Variants in CCSER2 observed in about 807,000 individuals in gnomAD.
CCSER2 encodes serine-rich coiled-coil domain-containing protein 2.
Under a neutral mutation model 92.3 loss-of-function variants are expected in CCSER2, and 46 were observed. The ratio of observed to expected loss-of-function variants is 0.50; its 90% CI spans 0.39 to 0.64. The LOEUF (loss-of-function observed/expected upper bound fraction) is 0.64, where lower values mean the gene tolerates loss of function less well. CCSER2 is among the 30% of genes least tolerant of loss of function. CCSER2 has a pLI of 0.00. For synonymous variants in CCSER2, 433 were observed against 431.4 expected (o/e 1.00, Z -0.04); for missense variants, 1,244 against 1,238.9 (o/e 1.00, Z -0.06).
intron 7 of CCSER2, among the ~76,000 whole-genome samples, chr10:84,468,359 A>C (rs1846577080): frequency 6.6e-6 from 1 of 152,230 alleles, no homozygotes; most frequent in African/African-American, 2.4e-5. Flanking sequence ...AAGAGATGAT[A>C]AATGTTTGAG....
intron 7 of CCSER2, among the ~76,000 whole-genome samples, chr10:84,465,711 GT>G (rs200636752): frequency 0.023 from 3,521 of 151,884 alleles, 151 homozygotes; most frequent in African/African-American, 0.082. Context: ...TTCCTTTCTA[GT>G]TCATCTAAAT....
At chr10:84,462,466 G>A (rs908674870) in intron 6 of CCSER2, among the ~76,000 whole-genome samples, 1 of 152,136 alleles carries the variant, frequency 6.6e-6, no homozygotes, top group Non-Finnish European at 1.5e-5. Context: ...ATACTTGTAG[G>A]TAGGACTGGC....
chr10:84,353,052 A>G (rs1397485524), intron 1 of CCSER2, among the ~76,000 whole-genome samples: 1 of 152,204 alleles, frequency 6.6e-6, no homozygotes, highest in African/African-American at 2.4e-5. Context: ...TTGGCCTCCC[A>G]AAGTGCTGGG....
intron 9 of CCSER2, among the ~76,000 whole-genome samples, chr10:84,489,691 C>G (rs1446215421): frequency 6.6e-6 from 1 of 152,142 alleles, no homozygotes; most frequent in Non-Finnish European, 1.5e-5. Context: ...GACTCTTTAT[C>G]CAATTTGCCA....
chr10:84,349,464 C>T (rs530554329), intron 1 of CCSER2, among the ~76,000 whole-genome samples: 10 of 151,822 alleles, frequency 6.6e-5, no homozygotes, highest in African/African-American at 1.7e-4. Context: ...CTCCGGAGTT[C>T]GAGACCAGCC....
chr10:84,422,148 A>T (rs986274152), intron 4 of CCSER2, among the ~76,000 whole-genome samples: 4 of 152,306 alleles, frequency 2.6e-5, no homozygotes, highest in Admixed American at 6.5e-5. Context: ...TTGCAGAAGG[A>T]AGAAGGGCAG....
chr10:84,459,205 G>T (rs1201214158), intron 6 of CCSER2, among the ~76,000 whole-genome samples: 1 of 151,942 alleles, frequency 6.6e-6, no homozygotes, highest in African/African-American at 2.4e-5. Flanking sequence ...ATGGAGTTTT[G>T]CCATGATGGC....
chr10:84,396,185 C>CTGTG (rs11467455), intron 3 of CCSER2, among the ~76,000 whole-genome samples: 7,524 of 145,702 alleles, frequency 0.052, 254 homozygotes, highest in East Asian at 0.13. Context: ...TTATTCAACA[C>CTGTG]TGTGTGTGTG....
At position 84,370,952 on chromosome 10, in the gene CCSER2, A is replaced by G. The variant is rs1846029564; in HGVS notation, c.-39-62A>G. 5 of 737,758 alleles carry G rather than the reference A, an allele frequency of 6.8e-6. No individual in the cohort carries two copies. The South Asian group carries it at 1.3e-4, about 19-fold the overall frequency. The allele number at this position is 737,758 out of a possible 1,614,324, so 45.7% of individuals were successfully genotyped here. Reference sequence around the variant, plus strand: ...TAAAAGTGTAAGTATCATATTATGTAATAATTCATGTAATTATCCTTATTT... The same window carrying G: ...TAAAAGTGTAAGTATCATATTATGTGATAATTCATGTAATTATCCTTATTT... On this transcript the variant is annotated intron_variant, in intron 1 of 9. Transcript: ENST00000372088.
intron 9 of CCSER2, among the ~76,000 whole-genome samples, chr10:84,494,309 T>C (rs992715720): frequency 2.0e-5 from 3 of 152,198 alleles, no homozygotes; most frequent in Non-Finnish European, 4.4e-5. Flanking sequence ...AATTAGCATA[T>C]AATGAGCAGT....
At chr10:84,503,902 T>A (rs146475405) in intron 9 of CCSER2, among the ~76,000 whole-genome samples, 46 of 152,332 alleles carry the variant, frequency 3.0e-4, no homozygotes, top group African/African-American at 9.9e-4. Flanking sequence ...TTATATTGTC[T>A]TACATCTTCT....
intron 1 of CCSER2, among the ~76,000 whole-genome samples, chr10:84,346,376 A>T (rs1204100042): frequency 6.6e-6 from 1 of 151,998 alleles, no homozygotes; most frequent in Non-Finnish European, 1.5e-5. Flanking sequence ...GTATTAGAAT[A>T]ATCTTTAGGA....
intron 6 of CCSER2, among the ~76,000 whole-genome samples, chr10:84,461,415 CA>C (rs1374696629): frequency 6.6e-5 from 10 of 152,262 alleles, no homozygotes; most frequent in Admixed American, 5.2e-4. Flanking sequence ...TCTGTGACTT[CA>C]ATGACAGGAG....
intron 3 of CCSER2, among the ~76,000 whole-genome samples, chr10:84,387,864 T>A (rs183193464): frequency 6.6e-6 from 1 of 151,896 alleles, no homozygotes; most frequent in Non-Finnish European, 1.5e-5. Context: ...ACTGGACTTT[T>A]CTTTTCTTTT....
intron 1 of CCSER2, among the ~76,000 whole-genome samples, chr10:84,362,212 G>C (rs1845539139): frequency 6.6e-6 from 1 of 152,130 alleles, no homozygotes; most frequent in Admixed American, 6.6e-5. Context: ...AGGGAACTTT[G>C]CTCAAGCAGA....
intron 1 of CCSER2, 91 bp from the exon 2 acceptor site, chr10:84,370,923 C>T (rs1846026145): frequency 7.2e-6 from 4 of 552,654 alleles, no homozygotes; most frequent in South Asian, 5.1e-5. Context: ...GGTTTTTCTG[C>T]GTATAAAAGT....
intron 9 of CCSER2, among the ~76,000 whole-genome samples, chr10:84,480,578 G>A (rs4592372): frequency 0.57 from 86,106 of 151,992 alleles, 27,104 homozygotes; most frequent in East Asian, 0.74. Flanking sequence ...GCCAAAATAT[G>A]TACGTTTAAA....
intron 8 of CCSER2, among the ~76,000 whole-genome samples, chr10:84,474,660 C>G (rs1311519232): frequency 1.0e-5 from 1 of 95,824 alleles, no homozygotes; most frequent in East Asian, 3.2e-4. Flanking sequence ...AAGACTCCAT[C>G]TCAAAAAAAA....
At chr10:84,446,815 G>A (rs540235739) in intron 6 of CCSER2, among the ~76,000 whole-genome samples, 40 of 151,872 alleles carry the variant, frequency 2.6e-4, no homozygotes, top group Middle Eastern at 6.8e-3. Context: ...TTGTATTTCC[G>A]TGAATATAAG....
Sources: gnomAD v4.1 joint callset for allele counts (sites outside exome capture counted in the v4.1 genomes callset) on GRCh38, gnomAD v4.1.1 for gene constraint, MANE v1.5 for transcripts, NCBI Gene and HGNC (gene_info 2026-07-23, HGNC 2026-07-21) for gene names.